Variants in CSGALNACT2 observed in about 807,000 individuals in gnomAD.
The protein encoded by CSGALNACT2 is beta 4 GalNAcT-2.
CSGALNACT2 carries 35 observed loss-of-function variants against 55.3 expected under a neutral mutation model. That is an observed-to-expected ratio of 0.63 (90% CI 0.48 to 0.84). The LOEUF (loss-of-function observed/expected upper bound fraction) is 0.84. Ranked by LOEUF, CSGALNACT2 falls within the 40% of genes least tolerant of loss-of-function variation. CSGALNACT2 has a pLI of 0.00. For missense variants in CSGALNACT2, 544 were observed against 657.5 expected, an observed-to-expected ratio of 0.83 and a Z score of 1.89; for synonymous variants, 196 against 224.9, an observed-to-expected ratio of 0.87 and a Z score of 1.15.
intron 5 of CSGALNACT2, 130 bp from the exon 6 acceptor site, chr10:43,166,874 G>A (rs1011098965): frequency 3.6e-6 from 2 of 548,764 alleles, no homozygotes; most frequent in South Asian, 2.6e-5. Flanking sequence ...ATGATGTTCT[G>A]TAGCCTGAAT....
In CSGALNACT2 at chr10:43,154,986, C is replaced by T; in HGVS notation, c.-164C>T. 3.3e-6 allele frequency: 2 copies of T among 603,308 alleles called. No homozygotes were observed. Among genetic ancestry groups the T allele is most frequent in the African/African-American group, 1.9e-5 (1 of 54,000 alleles). The allele number at this position is 603,308 out of a possible 1,614,324, so 37.4% of individuals were successfully genotyped here. A position where few individuals can be genotyped will look rare whatever the true frequency, so the allele number is the denominator to read the frequency against. On this transcript the variant is annotated 5_prime_UTR_variant, in exon 2 of 8. Transcript: ENST00000374466. ...CAATACAGAAAGTATACATAATTTC[C>T]CATTTCTGCAAGTAGTCATGACTGC...
At chr10:43,146,814 G>GT (rs1405884854) in intron 1 of CSGALNACT2, among the ~76,000 whole-genome samples, 1 of 151,658 alleles carries the variant, frequency 6.6e-6, no homozygotes, top group Non-Finnish European at 1.5e-5. Context: ...CCCATCAGCA[G>GT]TGTATGAAAG....
chr10:43,153,252 G>A (rs1406953602), intron 1 of CSGALNACT2, among the ~76,000 whole-genome samples: 1 of 150,730 alleles, frequency 6.6e-6, no homozygotes, highest in Non-Finnish European at 1.5e-5. Context: ...GGAGAATAGC[G>A]CGAACCCAGG....
chr10:43,167,004 G>T lies in CSGALNACT2; in HGVS notation c.1160G>T (p.Gly387Val), dbSNP rs1397858785. Residue 387 changes from glycine (G) to valine (V), a missense_variant and splice_region_variant, in exon 6 of 8, where the codon GGT becomes GTT. By Grantham distance (109) the Gly-to-Val change is moderately radical (BLOSUM62 -3). This residue lies in a region of CSGALNACT2 where 170 missense variants were observed against 256.2 expected (regional missense o/e 0.66). Coordinates refer to ENST00000374466, the MANE Select transcript of CSGALNACT2 (RefSeq NM_018590.5). ...LNSCRLNAEPGKKVFYPVVFS... is the reference protein window; with the variant it reads ...LNSCRLNAEPVKKVFYPVVFS... ...TACAAACCTATATTTTAATTTGTAG[G>T]TAAGAAGGTGTTTTACCCTGTGGTG... 3 of 1,591,304 alleles carry T rather than the reference G, an allele frequency of 1.9e-6. No individual in the cohort carries two copies. The highest frequency in any genetic ancestry group is 2.6e-6 in the Non-Finnish European group (3 of 1,161,924).
intron 1 of CSGALNACT2, among the ~76,000 whole-genome samples, chr10:43,146,499 T>G (rs936047081): frequency 2.0e-5 from 3 of 152,174 alleles, no homozygotes; most frequent in African/African-American, 7.2e-5. Flanking sequence ...TTAATTTCCT[T>G]TGGCAACACC....
chr10:43,149,591 C>T (rs930307705), intron 1 of CSGALNACT2, among the ~76,000 whole-genome samples: 7 of 152,004 alleles, frequency 4.6e-5, no homozygotes, highest in Non-Finnish European at 1.0e-4. Flanking sequence ...TTGCTGGGTT[C>T]GTTTTGCTAG....
chr10:43,168,891 G>A (rs1013719411), intron 6 of CSGALNACT2, among the ~76,000 whole-genome samples: 4 of 152,216 alleles, frequency 2.6e-5, no homozygotes, highest in East Asian at 3.8e-4. Flanking sequence ...TCTGTAAGAC[G>A]ATAGCAGTTA....
rs116233100 is a variant in CSGALNACT2, at chr10:43,165,514, G to T, written c.1159+1470G>T. Among the ~76,000 whole-genome samples, 795 of 152,140 alleles carry T rather than the reference G, an allele frequency of 5.2e-3. 6 individuals are homozygous for T. Among genetic ancestry groups the T allele is most frequent in the African/African-American group, 0.017 (719 of 41,518 alleles). On this transcript the variant is annotated intron_variant, in intron 5 of 7. Coordinates refer to ENST00000374466, the MANE Select transcript of CSGALNACT2 (RefSeq NM_018590.5). ...ATTAGAAAAACATTGGGGTGGGGGG[G>T]TGCTGCTGAGCACAGTAGCTCACAC...
intron 1 of CSGALNACT2, among the ~76,000 whole-genome samples, chr10:43,153,670 C>A (rs1054778225): frequency 2.0e-5 from 3 of 152,198 alleles, no homozygotes; most frequent in African/African-American, 7.2e-5. Flanking sequence ...TCCTTCTCAA[C>A]AAGCACTTTG....
intron 1 of CSGALNACT2, among the ~76,000 whole-genome samples, chr10:43,143,493 ATG>A (rs3983257): frequency 0.35 from 49,047 of 141,536 alleles, 8,182 homozygotes; most frequent in Non-Finnish European, 0.39. Flanking sequence ...CTCTCCAAAA[ATG>A]TGTGTGTGTG....
chr10:43,158,741 G>C lies in CSGALNACT2; in HGVS notation c.688G>C (p.Gly230Arg). 6.2e-7 allele frequency: 1 copy of C among 1,607,604 alleles called. No individual in the cohort carries two copies. The highest frequency in any genetic ancestry group is 8.5e-7 in the Non-Finnish European group (1 of 1,174,388). Residue 230 changes from glycine to arginine, a missense_variant, in exon 3 of 8, where the codon GGC (glycine) becomes CGC (arginine). Gly to Arg is a moderately radical substitution (Grantham distance 125). Transcript: ENST00000374466. Reference protein sequence around the residue: ...EGYYRTERDKGTQYELFFKKA... With the variant: ...EGYYRTERDKRTQYELFFKKA... ...TTATTATCGCACTGAGAGAGATAAG[G>C]GCACACAGTATGAACTCTTTTTTAA...
In CSGALNACT2 at chr10:43,155,564, C is replaced by G. The variant is rs774640408; in HGVS notation, c.415C>G (p.Leu139Val). 1 of 1,614,222 alleles carries G rather than the reference C, an allele frequency of 6.2e-7. No homozygotes were observed. The highest frequency in any genetic ancestry group is 1.6e-4 in the Middle Eastern group (1 of 6,062). The change falls in exon 2 of 8, where the codon CTA becomes GTA. Residue 139 changes from leucine to valine, a missense_variant. Coordinates refer to ENST00000374466, the MANE Select transcript of CSGALNACT2 (RefSeq NM_018590.5). ...DKAEVSIGAK[L>V]PSEYGVIPFE... The stretch of plus-strand genomic sequence containing the variant: ...AGCTGAAGTTAGCATAGGGGCCAAA[C>G]TACCCAGTGAGTATGGGGTCATTCC...
chr10:43,142,480 G>T (rs184304759), intron 1 of CSGALNACT2, among the ~76,000 whole-genome samples: 38 of 152,286 alleles, frequency 2.5e-4, no homozygotes, highest in African/African-American at 8.7e-4. Context: ...GGGATTACAC[G>T]CATGAGCCAC....
intron 1 of CSGALNACT2, among the ~76,000 whole-genome samples, 186 bp from the exon 2 acceptor site, chr10:43,154,711 A>T (rs1838955563): frequency 6.6e-6 from 1 of 151,240 alleles, no homozygotes; most frequent in Admixed American, 6.6e-5. Flanking sequence ...TGGGTGACGG[A>T]GTGAGACTCC....
At chr10:43,141,718 A>C (rs141414623) in intron 1 of CSGALNACT2, among the ~76,000 whole-genome samples, 1 of 151,140 alleles carries the variant, frequency 6.6e-6, no homozygotes, top group Non-Finnish European at 1.5e-5. Flanking sequence ...ATCTAATAGG[A>C]GTTCCAGGAG....
At chr10:43,161,191 TTTTC>T (rs1201831249) in intron 4 of CSGALNACT2, among the ~76,000 whole-genome samples, 1 of 152,216 alleles carries the variant, frequency 6.6e-6, no homozygotes, top group Non-Finnish European at 1.5e-5. Context: ...CTCTCAGCCT[TTTTC>T]TTTCTAAATC....
chr10:43,154,097 G>T (rs1014736871), intron 1 of CSGALNACT2, among the ~76,000 whole-genome samples: 1 of 152,198 alleles, frequency 6.6e-6, no homozygotes. Flanking sequence ...TAGATTGGCT[G>T]AGCTGAGCAG....
rs1412565773 is a variant in CSGALNACT2, at chr10:43,183,559, T to C, written c.*17T>C. On this transcript the variant is annotated 3_prime_UTR_variant, in exon 8 of 8. Transcript: ENST00000374466. ...GTTGGTTGAAATCATAATTAATGCG[T>C]TACTGTATGAACCACAAAACAGCAC... is the stretch of plus-strand genomic sequence containing the variant. 6.2e-7 allele frequency: 1 copy of C among 1,607,574 alleles called. No individual in the cohort carries two copies. The highest frequency in any genetic ancestry group is 2.2e-5 in the East Asian group (1 of 44,818).
At chr10:43,165,959 G>A (rs1839256933) in intron 5 of CSGALNACT2, among the ~76,000 whole-genome samples, 2 of 152,166 alleles carry the variant, frequency 1.3e-5, no homozygotes, top group Admixed American at 1.3e-4. Flanking sequence ...GACAGAGCAA[G>A]ACTCCGTCTT....
Sources: allele counts gnomAD v4.1 joint callset (sites outside exome capture counted in the v4.1 genomes callset), GRCh38; gene constraint gnomAD v4.1.1; regional missense constraint gnomAD v4.1.1; transcripts MANE v1.5; gene names NCBI Gene and HGNC (gene_info 2026-07-23, HGNC 2026-07-21).